Variants in MLIP observed in about 807,000 individuals in gnomAD.
MLIP encodes the protein muscular LMNA interacting protein, also known as muscular LMNA-interacting protein.
MLIP carries 79 observed loss-of-function variants against 84.8 expected under a neutral mutation model. That is an observed-to-expected ratio of 0.93 (90% CI 0.78 to 1.12). The LOEUF (loss-of-function observed/expected upper bound fraction) is 1.12. Among genes scored for constraint, MLIP ranks in the 50% most tolerant of loss-of-function variants. The pLI is 0.00. For missense variants in MLIP, 1,257 were observed against 1,160.6 expected (o/e 1.08, Z -1.21); for synonymous variants, 504 against 463.0 (o/e 1.09, Z -1.14).
At chr6:54,230,630 C>A in intron 11 of MLIP, 84 bp from the exon 12 acceptor site, 1 of 1,237,456 alleles carries the variant, frequency 8.1e-7, no homozygotes. Context: ...GAGATTCTGA[C>A]CTATGTCTAT....
In MLIP at chr6:54,236,329, G is replaced by A. The variant is rs559325046; in HGVS notation, c.2922+5412G>A. Among the ~76,000 whole-genome samples, 21 of 152,254 alleles carry A rather than the reference G, an allele frequency of 1.4e-4. 1 individual carries two copies. The highest frequency in any genetic ancestry group is 2.9e-4 in the African/African-American group (12 of 41,546). On this transcript the variant is annotated intron_variant, in intron 12 of 13. Coordinates refer to ENST00000502396, the MANE Select transcript of MLIP (RefSeq NM_001281747.2). ...ATTGTCCTTTTTAAAAGCCAGGTGC[G>A]GTGGCTCACGCCTGTAATCCCAGCA...
Position 54,238,099 on chromosome 6 carries a change from C to T in MLIP, c.2922+7182C>T, listed in dbSNP as rs552774363. On this transcript the variant is annotated intron_variant, in intron 12 of 13. Transcript: ENST00000502396. ...TAGCAAAGTACCATGTACAACACAC[C>T]TGTTTATGTCTAGATTAAGGCCTAC... Among the ~76,000 whole-genome samples, 5 of 152,042 alleles carry T rather than the reference C, an allele frequency of 3.3e-5. No homozygotes were observed. In the South Asian group the frequency reaches 1.0e-3, roughly 32 times the overall value.
At chr6:54,030,402 T>G (rs1468558958) in intron 1 of MLIP, among the ~76,000 whole-genome samples, 1 of 152,144 alleles carries the variant, frequency 6.6e-6, no homozygotes, top group Non-Finnish European at 1.5e-5. Flanking sequence ...TCCCCAAAGC[T>G]GCTAGATTTG....
At chr6:54,154,690 C>G (rs1041094374) in intron 5 of MLIP, among the ~76,000 whole-genome samples, 1 of 152,122 alleles carries the variant, frequency 6.6e-6, no homozygotes, top group Non-Finnish European at 1.5e-5. Context: ...TCCCTGCCTA[C>G]AACACTTGTT....
At chr6:54,218,379 A>G (rs1413989506) in intron 11 of MLIP, among the ~76,000 whole-genome samples, 6 of 152,208 alleles carry the variant, frequency 3.9e-5, no homozygotes, top group Non-Finnish European at 7.3e-5. Flanking sequence ...AAAAAATAAA[A>G]GAAGGAACAC....
At chr6:54,186,966 T>C (rs990296948) in intron 9 of MLIP, among the ~76,000 whole-genome samples, 5 of 152,152 alleles carry the variant, frequency 3.3e-5, no homozygotes, top group Non-Finnish European at 7.3e-5. Context: ...TGGGAATCTA[T>C]TGCATAATTC....
Position 54,255,002 on chromosome 6 carries a change from C to G in MLIP, c.2923-2306C>G, listed in dbSNP as rs534714273. Among the ~76,000 whole-genome samples the G allele has an allele frequency of 7.9e-5, 12 of 152,166 alleles. No individual in the cohort carries two copies. In the East Asian group the frequency reaches 2.3e-3, roughly 29 times the overall value. ...GACTCCTCATCTGACATATAAGCTC[C>G]ATTATACTGTGTCTCTTGTGTGGCC... On this transcript the variant is annotated intron_variant, in intron 12 of 13. Coordinates refer to ENST00000502396, the MANE Select transcript of MLIP (RefSeq NM_001281747.2).
intron 11 of MLIP, chr6:54,217,250 A>T (rs1289160015): frequency 1.0e-6 from 1 of 985,314 alleles, no homozygotes; most frequent in Non-Finnish European, 1.2e-6. Flanking sequence ...TTCACTTCCA[A>T]ACCACAGGAA....
intron 9 of MLIP, among the ~76,000 whole-genome samples, chr6:54,172,784 A>G (rs1383837095): frequency 1.3e-5 from 2 of 151,632 alleles, no homozygotes; most frequent in African/African-American, 2.4e-5. Flanking sequence ...TATTGCACGT[A>G]TTGTGACATT....
At chr6:54,175,866 C>CTCTG (rs1390602250) in intron 9 of MLIP, among the ~76,000 whole-genome samples, 1 of 151,954 alleles carries the variant, frequency 6.6e-6, no homozygotes, top group Non-Finnish European at 1.5e-5. Context: ...CTAGCTGTGG[C>CTCTG]TCTGTCATAT....
intron 12 of MLIP, among the ~76,000 whole-genome samples, chr6:54,231,458 TGTGTGTGTGC>T (rs1050224378): frequency 2.6e-5 from 3 of 117,324 alleles, no homozygotes; most frequent in Admixed American, 1.9e-4. Flanking sequence ...GTACCTGAAG[TGTGTGTGTGC>T]GTGTGTGTGC....
intron 11 of MLIP, chr6:54,215,300 G>A: frequency 7.0e-7 from 1 of 1,420,438 alleles, no homozygotes; most frequent in Non-Finnish European, 9.1e-7. Context: ...TCAATGGCAA[G>A]AACATGGGCT....
chr6:54,144,276 G>A (rs186835773), intron 4 of MLIP, among the ~76,000 whole-genome samples: 29 of 152,302 alleles, frequency 1.9e-4, no homozygotes, highest in Admixed American at 1.9e-3. Flanking sequence ...TGTACATGTA[G>A]AGTGATGCTC....
At chr6:54,155,584 A>G (rs1197784441) in intron 5 of MLIP, among the ~76,000 whole-genome samples, 2 of 152,088 alleles carry the variant, frequency 1.3e-5, no homozygotes, top group African/African-American at 2.4e-5. Flanking sequence ...ACTTCATCCT[A>G]TATTTTAAGG....
At chr6:54,195,091 C>T (rs1433706607) in intron 10 of MLIP, among the ~76,000 whole-genome samples, 1 of 151,884 alleles carries the variant, frequency 6.6e-6, no homozygotes, top group South Asian at 2.1e-4. Flanking sequence ...TTTGCACAAA[C>T]TTTTTTGCCA....
At chr6:54,020,154 C>T (rs1485303240) in intron 1 of MLIP, among the ~76,000 whole-genome samples, 1 of 152,176 alleles carries the variant, frequency 6.6e-6, no homozygotes, top group Non-Finnish European at 1.5e-5. Context: ...GGTGAAAATT[C>T]TTGCCCACAA....
At chr6:54,072,798 T>C (rs909780383) in intron 1 of MLIP, among the ~76,000 whole-genome samples, 2 of 152,206 alleles carry the variant, frequency 1.3e-5, no homozygotes, top group Non-Finnish European at 2.9e-5. Flanking sequence ...TTTGTGTAAA[T>C]GTATTGACTG....
intron 1 of MLIP, among the ~76,000 whole-genome samples, chr6:54,041,662 T>A (rs1206192524): frequency 6.6e-6 from 1 of 152,134 alleles, no homozygotes; most frequent in African/African-American, 2.4e-5. Context: ...TGAACTTGCA[T>A]CCCTCGTGGC....
At chr6:54,227,457 T>A (rs1202881972) in intron 11 of MLIP, among the ~76,000 whole-genome samples, 1 of 151,816 alleles carries the variant, frequency 6.6e-6, no homozygotes, top group East Asian at 1.9e-4. Context: ...TTCATGAAAA[T>A]TTTCCAAAAT....
Sources: gnomAD v4.1 joint callset for allele counts (sites outside exome capture counted in the v4.1 genomes callset) on GRCh38, gnomAD v4.1.1 for gene constraint, MANE v1.5 for transcripts, NCBI Gene and HGNC (gene_info 2026-07-23, HGNC 2026-07-21) for gene names.